APAF1: variants seen among roughly 807,000 people sequenced by gnomAD.
APAF1 encodes apoptotic peptidase activating factor 1, also known as apoptotic protease-activating factor 1.
In APAF1, 91 loss-of-function variants were observed where a neutral mutation model predicts 152.4. That is an observed-to-expected ratio of 0.60 (90% CI 0.50 to 0.71). APAF1 has a LOEUF of 0.71. Among genes scored for constraint, APAF1 ranks in the 30% least tolerant of loss-of-function variants. The pLI, the probability that APAF1 is intolerant of heterozygous loss-of-function variation, is 0.00. For missense variants in APAF1, 1,283 were observed against 1,472.0 expected, an observed-to-expected ratio of 0.87 and a Z score of 2.10; for synonymous variants, 484 against 494.1, an observed-to-expected ratio of 0.98 and a Z score of 0.27.
At chr12:98,690,184 G>A (rs1032993004) in intron 16 of APAF1, among the ~76,000 whole-genome samples, 1 of 152,218 alleles carries the variant, frequency 6.6e-6, no homozygotes, top group African/African-American at 2.4e-5. Context: ...TTGAATCTTT[G>A]ATCTTGCTTT....
chr12:98,682,349 G>A (rs1012472316), intron 14 of APAF1, among the ~76,000 whole-genome samples: 6 of 152,132 alleles, frequency 3.9e-5, no homozygotes, highest in Non-Finnish European at 5.9e-5. Flanking sequence ...CACCGCGCCC[G>A]GCCTGATGAT....
At chr12:98,675,198 G>A (rs78925600) in intron 12 of APAF1, among the ~76,000 whole-genome samples, 367 of 152,206 alleles carry the variant, frequency 2.4e-3, no homozygotes, top group African/African-American at 8.0e-3. Context: ...GTTTAGGTTG[G>A]TATAAGCTTA....
At chr12:98,667,041 A>G (rs1411357685) in intron 9 of APAF1, among the ~76,000 whole-genome samples, 1 of 151,460 alleles carries the variant, frequency 6.6e-6, no homozygotes, top group African/African-American at 2.4e-5. Context: ...ATTTGTTTAA[A>G]GTGGTATCTG....
chr12:98,687,679 A>G (rs1454184210), intron 16 of APAF1, among the ~76,000 whole-genome samples: 6 of 152,202 alleles, frequency 3.9e-5, no homozygotes, highest in Non-Finnish European at 8.8e-5. Flanking sequence ...TAGCGCCCTC[A>G]TGACCTAATC....
intron 15 of APAF1, among the ~76,000 whole-genome samples, chr12:98,683,524 T>C (rs139749004): frequency 2.6e-5 from 4 of 152,364 alleles, no homozygotes; most frequent in South Asian, 4.1e-4. Flanking sequence ...TCTCAGGCTC[T>C]ACCTCCCTTT....
At chr12:98,678,621 C>T (rs562814194) in intron 13 of APAF1, among the ~76,000 whole-genome samples, 3 of 152,358 alleles carry the variant, frequency 2.0e-5, no homozygotes, top group East Asian at 1.9e-4. Flanking sequence ...GCTGCCCAAG[C>T]GGTGGCTGCA....
intron 17 of APAF1, 149 bp from the exon 18 acceptor site, chr12:98,703,222 C>T (rs2097717552): frequency 1.3e-6 from 1 of 781,498 alleles, no homozygotes; most frequent in Non-Finnish European, 2.1e-6. Flanking sequence ...TATATTGATC[C>T]ATATTTTGTT....
chr12:98,684,422 G>C (rs2097695748), intron 15 of APAF1, among the ~76,000 whole-genome samples: 1 of 142,736 alleles, frequency 7.0e-6, no homozygotes, highest in Admixed American at 7.1e-5. Context: ...TTCCCTTCCT[G>C]TCACCTTCCC....
chr12:98,721,790 G>A (rs1262002289), intron 22 of APAF1, among the ~76,000 whole-genome samples: 3 of 152,118 alleles, frequency 2.0e-5, no homozygotes, highest in Admixed American at 6.5e-5. Context: ...ACTGCTAAAT[G>A]TGGTGGAAAA....
At position 98,666,315 on chromosome 12, in the gene APAF1, T is replaced by G. The variant is rs755686542; in HGVS notation, c.1320T>G (p.Leu440=). The G allele has an allele frequency of 6.2e-7, 1 of 1,613,682 alleles. No homozygotes were observed. The highest frequency in any genetic ancestry group is 1.1e-5 in the South Asian group (1 of 90,868). The change falls in exon 9 of 27, where the codon CTT becomes CTG. Residue 440 remains leucine (L), a synonymous_variant. Coordinates refer to ENST00000551964, the MANE Select transcript of APAF1 (RefSeq NM_181861.2). ...CGTTTCGTTATTATTTACATGATCTTCAAGTAGATTTTCTTACAGAGAAGA... is the reference window on the plus strand; with the variant it reads ...CGTTTCGTTATTATTTACATGATCTGCAAGTAGATTTTCTTACAGAGAAGA... The part of the protein sequence containing the change: ...GKSFRYYLHD[L]QVDFLTEKNC...
intron 22 of APAF1, among the ~76,000 whole-genome samples, chr12:98,720,828 G>T (rs550540151): frequency 4.6e-5 from 7 of 152,014 alleles, no homozygotes; most frequent in African/African-American, 1.7e-4. Flanking sequence ...TTAGCCAGGC[G>T]TGGTGACAGG....
intron 4 of APAF1, among the ~76,000 whole-genome samples, chr12:98,653,715 TATATATATAG>T (rs2097652729): frequency 8.9e-6 from 1 of 112,394 alleles, no homozygotes; most frequent in African/African-American, 3.2e-5. Flanking sequence ...TATATATATA[TATATATATAG>T]TTTTTAACTA....
intron 10 of APAF1, 48 bp from the exon 11 acceptor site, chr12:98,670,925 T>G (rs761359651): frequency 2.6e-6 from 3 of 1,174,978 alleles, no homozygotes; most frequent in Non-Finnish European, 3.8e-6. Flanking sequence ...TACCTAAAAT[T>G]TTTTGATCTC....
chr12:98,715,235 C>CATATATATATAT (rs61430351), intron 21 of APAF1, among the ~76,000 whole-genome samples, 192 bp from the exon 22 acceptor site: 51 of 54,782 alleles, frequency 9.3e-4, no homozygotes, highest in Non-Finnish European at 1.4e-3. Context: ...ACATGGTGTG[C>CATATATATATAT]ATATATATAT....
At chr12:98,715,234 GCATA>G (rs1462814531) in intron 21 of APAF1, among the ~76,000 whole-genome samples, 189 bp from the exon 22 acceptor site, 54 of 58,318 alleles carry the variant, frequency 9.3e-4, no homozygotes, top group Admixed American at 2.9e-3. Flanking sequence ...TACATGGTGT[GCATA>G]TATATATATA....
chr12:98,705,524 G>A (rs757689723), intron 18 of APAF1, among the ~76,000 whole-genome samples: 1 of 152,188 alleles, frequency 6.6e-6, no homozygotes, highest in Non-Finnish European at 1.5e-5. Flanking sequence ...CTGGGCCTAT[G>A]ATGAGGTACT....
At chr12:98,718,652 C>T (rs989817213) in intron 22 of APAF1, among the ~76,000 whole-genome samples, 6 of 152,110 alleles carry the variant, frequency 3.9e-5, no homozygotes, top group African/African-American at 1.4e-4. Flanking sequence ...AAAATATGGC[C>T]TTACTGGGCG....
chr12:98,716,486 A>G (rs2153340772), intron 22 of APAF1, among the ~76,000 whole-genome samples: 1 of 152,358 alleles, frequency 6.6e-6, no homozygotes, highest in East Asian at 1.9e-4. Flanking sequence ...ATTATTTTAC[A>G]CTAAAACTTT....
chr12:98,668,725 A>G (rs1280564165), intron 10 of APAF1, among the ~76,000 whole-genome samples: 1 of 152,186 alleles, frequency 6.6e-6, no homozygotes, highest in Admixed American at 6.5e-5. Flanking sequence ...GAACTGAAAC[A>G]GGGGTCTTTG....
Sources: gnomAD v4.1 joint callset for allele counts (sites outside exome capture counted in the v4.1 genomes callset) on GRCh38, gnomAD v4.1.1 for gene constraint, MANE v1.5 for transcripts, NCBI Gene and HGNC (gene_info 2026-07-23, HGNC 2026-07-21) for gene names.